Variants in HS2ST1 observed in about 807,000 individuals in gnomAD.
HS2ST1 encodes 2-O-sulfotransferase.
Under a neutral mutation model 42.9 loss-of-function variants are expected in HS2ST1, and 18 were observed. The ratio of observed to expected loss-of-function variants is 0.42; its 90% CI spans 0.29 to 0.62. The LOEUF (loss-of-function observed/expected upper bound fraction) is 0.62. Among genes scored for constraint, HS2ST1 ranks in the 20% least tolerant of loss-of-function variants. The pLI is 0.21. For synonymous variants in HS2ST1, 146 were observed against 152.9 expected, an observed-to-expected ratio of 0.95 and a Z score of 0.33; for missense variants, 334 against 433.8, an observed-to-expected ratio of 0.77 and a Z score of 2.04.
At chr1:86,917,879 A>G (rs1660197991) in intron 1 of HS2ST1, among the ~76,000 whole-genome samples, 1 of 152,246 alleles carries the variant, frequency 6.6e-6, no homozygotes, top group Non-Finnish European at 1.5e-5. Context: ...AATGAACATA[A>G]TTATGTTACC....
chr1:86,958,034 C>G lies in HS2ST1; in HGVS notation c.124+42874C>G, dbSNP rs182074043. On this transcript the variant is annotated intron_variant, in intron 1 of 6. Transcript: ENST00000370550. Reference sequence around the variant, plus strand: ...TCTCGAACTCCTGACCACGGTGATCCACCCGCCTCGGCCTCCCAAAGTGCT... The same window carrying G: ...TCTCGAACTCCTGACCACGGTGATCGACCCGCCTCGGCCTCCCAAAGTGCT... Among the ~76,000 whole-genome samples, 18 of 152,238 alleles carry G rather than the reference C, an allele frequency of 1.2e-4. No homozygotes were observed. In the East Asian group the frequency reaches 3.5e-3, roughly 29 times the overall value.
chr1:87,052,362 A>C (rs1286465740), intron 1 of HS2ST1, among the ~76,000 whole-genome samples: 1 of 152,220 alleles, frequency 6.6e-6, no homozygotes, highest in Non-Finnish European at 1.5e-5. Context: ...TTGTAGTTTA[A>C]TCAGAATTTC....
chr1:87,075,254 C>T (rs1651511447), intron 2 of HS2ST1, among the ~76,000 whole-genome samples: 1 of 142,522 alleles, frequency 7.0e-6, no homozygotes, highest in Admixed American at 7.5e-5. Flanking sequence ...ATTGCAACCT[C>T]TGCCTCCCAC....
intron 1 of HS2ST1, among the ~76,000 whole-genome samples, chr1:86,961,527 G>GTGCA (rs1647844015): frequency 6.6e-6 from 1 of 152,064 alleles, no homozygotes; most frequent in Non-Finnish European, 1.5e-5. Context: ...CATCATCATG[G>GTGCA]TGGTGTGTTA....
intron 5 of HS2ST1, 57 bp downstream of exon 5, chr1:87,097,992 G>A: frequency 6.2e-7 from 1 of 1,608,882 alleles, no homozygotes; most frequent in African/African-American, 1.3e-5. Context: ...TCTGTAATCT[G>A]TGTTTCATTT....
chr1:86,956,836 C>T (rs1026995855), intron 1 of HS2ST1, among the ~76,000 whole-genome samples: 1 of 152,192 alleles, frequency 6.6e-6, no homozygotes, highest in African/African-American at 2.4e-5. Flanking sequence ...TCTCTTTACA[C>T]TTTGAGTAAC....
At chr1:86,983,571 A>C (rs1001498263) in intron 1 of HS2ST1, among the ~76,000 whole-genome samples, 19 of 152,006 alleles carry the variant, frequency 1.2e-4, no homozygotes, top group African/African-American at 4.4e-4. Context: ...GTGGGGACAC[A>C]AAGCCAAACC....
chr1:86,938,598 CTT>C (rs760729328), intron 1 of HS2ST1, among the ~76,000 whole-genome samples: 13 of 151,942 alleles, frequency 8.6e-5, no homozygotes, highest in Non-Finnish European at 1.8e-4. Context: ...TATAACTTCT[CTT>C]TTTTGGCTGG....
chr1:87,082,342 C>G (rs1162926241), intron 2 of HS2ST1, among the ~76,000 whole-genome samples: 2 of 152,194 alleles, frequency 1.3e-5, no homozygotes, highest in East Asian at 3.9e-4. Context: ...CTTACTTCTG[C>G]CCACGTCTTT....
intron 1 of HS2ST1, among the ~76,000 whole-genome samples, chr1:86,974,060 C>T (rs1218412462): frequency 6.6e-6 from 1 of 152,060 alleles, no homozygotes; most frequent in Non-Finnish European, 1.5e-5. Context: ...AATATTTGGT[C>T]ATTGACCCTG....
At chr1:86,926,262 C>T (rs1660417361) in intron 1 of HS2ST1, among the ~76,000 whole-genome samples, 1 of 152,124 alleles carries the variant, frequency 6.6e-6, no homozygotes, top group Admixed American at 6.5e-5. Context: ...TCTTTTTTGG[C>T]CTCAGTTTCT....
intron 1 of HS2ST1, among the ~76,000 whole-genome samples, chr1:86,953,907 A>G (rs1469421212): frequency 2.6e-5 from 4 of 151,754 alleles, no homozygotes; most frequent in Admixed American, 6.6e-5. Context: ...CAGAGGGGGG[A>G]AAATGGGGAA....
At chr1:87,025,418 T>A (rs1402532653) in intron 1 of HS2ST1, among the ~76,000 whole-genome samples, 1 of 152,278 alleles carries the variant, frequency 6.6e-6, no homozygotes, top group African/African-American at 2.4e-5. Context: ...TGGCAGAACC[T>A]AGCAGGAAGC....
chr1:87,101,149 G>GTTTTTTTTTTTTTTTTTTTTTTTTTTT lies in HS2ST1; in HGVS notation c.687-2277_687-2276insTTTTTTTTTTTTTTTTTTTTTTTTTTT, dbSNP rs1177785858. Among the ~76,000 whole-genome samples, 4 of 59,540 alleles carry GTTTTTTTTTTTTTTTTTTTTTTTTTTT rather than the reference G, an allele frequency of 6.7e-5. 1 individual carries two copies. The highest frequency in any genetic ancestry group is 8.9e-5 in the Non-Finnish European group (3 of 33,766). 39.1% of individuals were successfully genotyped at this position (59,540 alleles called of 152,430 possible). The stretch of plus-strand genomic sequence containing the variant: ...TCATCACTTTTGTGTGTGTGTGTGT[G>GTTTTTTTTTTTTTTTTTTTTTTTTTTT]TTTTTTGTTTTTTTTTTTTTTTTTT... On this transcript the variant is annotated intron_variant, in intron 5 of 6. Coordinates refer to ENST00000370550, the MANE Select transcript of HS2ST1 (RefSeq NM_012262.4).
rs1288286237 is a variant in HS2ST1, at chr1:86,915,126, G to C, written c.90G>C (p.Gln30His). 1.2e-6 allele frequency: 2 copies of C among 1,614,138 alleles called. No homozygotes were observed. The highest frequency in any genetic ancestry group is 1.7e-6 in the Non-Finnish European group (2 of 1,179,994). The part of the protein sequence containing the change: ...FAVAMLFLEN[Q>H]IQKLEESRSK... ...TGGCGATGCTCTTCTTGGAAAACCA[G>C]ATCCAGAAACTGGAGGAGTCCCGCT... Residue 30 changes from glutamine (Q) to histidine (H), a missense_variant, in exon 1 of 7, where the codon CAG (glutamine) becomes CAC (histidine). Physicochemically the swap from Gln to His is conservative, Grantham distance 24. Coordinates refer to ENST00000370550, the MANE Select transcript of HS2ST1 (RefSeq NM_012262.4).
intron 3 of HS2ST1, among the ~76,000 whole-genome samples, chr1:87,084,770 C>G (rs911053666): frequency 6.6e-6 from 1 of 151,482 alleles, no homozygotes; most frequent in African/African-American, 2.4e-5. Context: ...ATGATTTCCT[C>G]TCTCACCCCC....
intron 1 of HS2ST1, among the ~76,000 whole-genome samples, chr1:86,957,108 TA>T (rs923855414): frequency 3.9e-5 from 6 of 152,246 alleles, no homozygotes; most frequent in Non-Finnish European, 5.9e-5. Flanking sequence ...AGTGAATTTT[TA>T]GGTAATGAAC....
intron 1 of HS2ST1, among the ~76,000 whole-genome samples, chr1:86,926,598 A>G (rs1047491571): frequency 3.3e-5 from 5 of 152,168 alleles, no homozygotes; most frequent in African/African-American, 9.7e-5. Flanking sequence ...TGTTTCAGGT[A>G]AGAGGGTAAA....
intron 1 of HS2ST1, among the ~76,000 whole-genome samples, chr1:87,029,613 C>T (rs1248257470): frequency 6.6e-6 from 1 of 152,178 alleles, no homozygotes; most frequent in Non-Finnish European, 1.5e-5. Context: ...TTTGTGCTCT[C>T]ACACCATGTC....
Sources: gnomAD v4.1 joint callset for allele counts (sites outside exome capture counted in the v4.1 genomes callset) on GRCh38, gnomAD v4.1.1 for gene constraint, MANE v1.5 for transcripts, NCBI Gene and HGNC (gene_info 2026-07-23, HGNC 2026-07-21) for gene names.